GARIN1A: variants seen among roughly 807,000 people sequenced by gnomAD.
GARIN1A encodes the protein Golgi-associated RAB2 interactor protein 1A.
chr7:128,673,994 A>C, the GARIN1A span, among the ~76,000 whole-genome samples: 1 of 152,086 alleles, frequency 6.6e-6, no homozygotes, highest in African/African-American at 2.4e-5. Flanking sequence ...CCTGGGTTCA[A>C]GCAATTCTCC....
the GARIN1A span, chr7:128,679,992 A>G: frequency 1.5e-6 from 2 of 1,324,336 alleles, no homozygotes; most frequent in Admixed American, 4.4e-5. Context: ...GAACTCTCTG[A>G]GCAGACCTAG....
the GARIN1A span, among the ~76,000 whole-genome samples, chr7:128,676,019 CTT>C: frequency 0.031 from 3,795 of 121,502 alleles, 138 homozygotes; most frequent in African/African-American, 0.1. Context: ...TATTTAGTAT[CTT>C]TTTTTTTTTT....
At chr7:128,701,215 GA>G in the GARIN1A span, among the ~76,000 whole-genome samples, 1 of 149,634 alleles carries the variant, frequency 6.7e-6, no homozygotes, top group Non-Finnish European at 1.5e-5. Context: ...TCCATAGAGG[GA>G]AACAAATGTT....
chr7:128,689,327 A>C, the GARIN1A span, among the ~76,000 whole-genome samples: 15 of 138,194 alleles, frequency 1.1e-4, no homozygotes, highest in Admixed American at 2.9e-4. Context: ...AGCACCTCTT[A>C]CCGGCCGCCA....
At chr7:128,687,895 C>T in the GARIN1A span, 3 of 152,210 alleles carry the variant, frequency 2.0e-5, no homozygotes, top group Non-Finnish European at 4.4e-5. Context: ...CTACTTTGGG[C>T]ACCTATGTGA....
the GARIN1A span, among the ~76,000 whole-genome samples, chr7:128,673,752 G>A: frequency 1.3e-5 from 2 of 152,176 alleles, no homozygotes; most frequent in East Asian, 3.9e-4. Flanking sequence ...CCCAGGAGAT[G>A]TGTAGTTGGG....
chr7:128,672,670 G>A, the GARIN1A span: 2 of 801,230 alleles, frequency 2.5e-6, no homozygotes, highest in Non-Finnish European at 3.9e-6. Context: ...GGGGGACAAA[G>A]AAGCCACCAA....
the GARIN1A span, among the ~76,000 whole-genome samples, chr7:128,707,535 T>C: frequency 2.0e-5 from 3 of 152,182 alleles, no homozygotes; most frequent in African/African-American, 4.8e-5. Context: ...GGCACCATCA[T>C]GGCTCACTGC....
chr7:128,681,309 G>A, the GARIN1A span, among the ~76,000 whole-genome samples: 6 of 152,120 alleles, frequency 3.9e-5, no homozygotes, highest in African/African-American at 1.2e-4. Flanking sequence ...TTTCCTAGGG[G>A]GGAACTGGGT....
At chr7:128,692,339 C>G in the GARIN1A span, among the ~76,000 whole-genome samples, 3 of 152,194 alleles carry the variant, frequency 2.0e-5, no homozygotes, top group Non-Finnish European at 4.4e-5. Flanking sequence ...GTGGCTGCTC[C>G]ACATTGTTTC....
the GARIN1A span, chr7:128,677,573 C>G: frequency 1.2e-5 from 19 of 1,606,556 alleles, no homozygotes; most frequent in Non-Finnish European, 1.6e-5. Context: ...GGCTTCTCCC[C>G]CTGAAGTACG....
the GARIN1A span, among the ~76,000 whole-genome samples, chr7:128,680,712 C>A: frequency 6.6e-6 from 1 of 151,970 alleles, no homozygotes; most frequent in Non-Finnish European, 1.5e-5. Flanking sequence ...TTACAGGCGA[C>A]CGCCACCACA....
At chr7:128,693,770 CAA>C in the GARIN1A span, 1 of 153,290 alleles carries the variant, frequency 6.5e-6, no homozygotes, top group African/African-American at 2.4e-5. Context: ...CTTCATGGAG[CAA>C]AGCCATGTGC....
At chr7:128,705,422 C>G in the GARIN1A span, among the ~76,000 whole-genome samples, 1 of 152,070 alleles carries the variant, frequency 6.6e-6, no homozygotes, top group Non-Finnish European at 1.5e-5. Context: ...GGAGCCGTGC[C>G]GTTCTCACAG....
At chr7:128,684,004 AT>A in the GARIN1A span, 1 of 152,018 alleles carries the variant, frequency 6.6e-6, no homozygotes, top group Non-Finnish European at 1.5e-5. Flanking sequence ...CAAGGAGGAA[AT>A]CCACCCCCAT....
chr7:128,681,896 C>A, the GARIN1A span, among the ~76,000 whole-genome samples: 1 of 150,004 alleles, frequency 6.7e-6, no homozygotes, highest in Admixed American at 6.7e-5. Context: ...CCCCCACAAC[C>A]CCCCTGGCCA....
the GARIN1A span, among the ~76,000 whole-genome samples, chr7:128,699,267 C>G: frequency 7.6e-4 from 107 of 141,466 alleles, 7 homozygotes; most frequent in African/African-American, 2.6e-3. Flanking sequence ...GCTGCCCCCC[C>G]CCCCCCACCA....
the GARIN1A span, among the ~76,000 whole-genome samples, chr7:128,701,461 G>A: frequency 7.3e-6 from 1 of 137,048 alleles, no homozygotes; most frequent in Non-Finnish European, 1.6e-5. Context: ...GAAGGGAAGG[G>A]AAGGGAAGGG....
chr7:128,707,572 T>TC, the GARIN1A span, among the ~76,000 whole-genome samples: 1 of 152,062 alleles, frequency 6.6e-6, no homozygotes, highest in African/African-American at 2.4e-5. Context: ...CTTCAAGCAA[T>TC]CCTCCCACCT....
Sources: gnomAD v4.1 joint callset for allele counts (sites outside exome capture counted in the v4.1 genomes callset) on GRCh38, gnomAD v4.1.1 for gene constraint, MANE v1.5 for transcripts, NCBI Gene and HGNC (gene_info 2026-07-23, HGNC 2026-07-21) for gene names.